The following MYOZ2 variants were observed in gnomAD, a reference collection of about 807,000 sequenced individuals.
The protein encoded by MYOZ2 is myozenin 2.
In MYOZ2, 19 loss-of-function variants were observed where a neutral mutation model predicts 25.4. The observed-to-expected ratio is 0.75, with a 90% CI of 0.52 to 1.10. MYOZ2 has a LOEUF of 1.10. Among genes scored for constraint, MYOZ2 ranks in the 50% least tolerant of loss-of-function variants. The pLI is 0.00. For missense variants in MYOZ2, 270 were observed against 317.9 expected (o/e 0.85, Z 1.15); for synonymous variants, 92 against 106.9 (o/e 0.86, Z 0.86).
chr4:119,166,458 A>T (rs1309260298), intron 5 of MYOZ2, among the ~76,000 whole-genome samples: 1 of 151,888 alleles, frequency 6.6e-6, no homozygotes, highest in African/African-American at 2.4e-5. Flanking sequence ...GCAATGAGCT[A>T]TAATCACACC....
At chr4:119,172,879 T>G (rs1183984885) in intron 5 of MYOZ2, among the ~76,000 whole-genome samples, 1 of 152,162 alleles carries the variant, frequency 6.6e-6, no homozygotes, top group East Asian at 1.9e-4. Context: ...CTGTTATAAT[T>G]TTCTCAGTTA....
chr4:119,148,371 G>A (rs765845947), intron 2 of MYOZ2, among the ~76,000 whole-genome samples: 27 of 152,082 alleles, frequency 1.8e-4, no homozygotes, highest in Non-Finnish European at 4.0e-4. Flanking sequence ...TCTCGAATCT[G>A]TAAGTTTATA....
chr4:119,168,089 C>T (rs1741864017), intron 5 of MYOZ2, among the ~76,000 whole-genome samples: 1 of 152,214 alleles, frequency 6.6e-6, no homozygotes, highest in Non-Finnish European at 1.5e-5. Flanking sequence ...TCTCCTGCCT[C>T]AGCCTCCTGA....
intron 4 of MYOZ2, among the ~76,000 whole-genome samples, chr4:119,159,039 G>C (rs141774926): frequency 4.6e-5 from 7 of 152,210 alleles, no homozygotes; most frequent in Middle Eastern, 6.8e-3. Flanking sequence ...ATTGCACATT[G>C]CATGCTGTTA....
At chr4:119,141,440 T>A (rs1177522885) in intron 2 of MYOZ2, among the ~76,000 whole-genome samples, 1 of 152,192 alleles carries the variant, frequency 6.6e-6, no homozygotes, top group Non-Finnish European at 1.5e-5. Context: ...TGGAGTGCAG[T>A]GGTGCAATCT....
rs1741160306 is a variant in MYOZ2, at chr4:119,141,625, ACCTGCCTCAG to A, written c.76+5028_76+5037del. Among the ~76,000 whole-genome samples, 5 of 152,096 alleles carry A rather than the reference ACCTGCCTCAG, an allele frequency of 3.3e-5. No homozygotes were observed. The South Asian group carries it at 1.0e-3, about 32-fold the overall frequency. On this transcript the variant is annotated intron_variant, in intron 2 of 5. Transcript: ENST00000307128. ...TCAAACTCCTGACCTCAGGTGATCC[ACCTGCCTCAG>A]CCTCCCAAAGTGCTGGGATTACAGG...
At chr4:119,140,874 C>T (rs996029897) in intron 2 of MYOZ2, among the ~76,000 whole-genome samples, 6 of 151,842 alleles carry the variant, frequency 4.0e-5, no homozygotes, top group African/African-American at 1.5e-4. Context: ...ATAAAATAGC[C>T]TTAGAACTCA....
intron 5 of MYOZ2, among the ~76,000 whole-genome samples, chr4:119,175,706 T>A (rs903326626): frequency 6.6e-6 from 1 of 151,708 alleles, no homozygotes; most frequent in Non-Finnish European, 1.5e-5. Flanking sequence ...GAGTAGAGAT[T>A]GTCCCACTGC....
In MYOZ2 at chr4:119,149,528, G is replaced by A. The variant is rs143843615; in HGVS notation, c.77-1344G>A. Among the ~76,000 whole-genome samples the A allele has an allele frequency of 2.6e-5, 4 of 152,264 alleles. No homozygotes were observed. In the East Asian group the frequency reaches 7.7e-4, roughly 29 times the overall value. Reference sequence around the variant, plus strand: ...CTTTCGTTGGTGCTTTGTCTGTCTGGACCTCTTGGTGTTTCTGGGTTGCCA... The same window carrying A: ...CTTTCGTTGGTGCTTTGTCTGTCTGAACCTCTTGGTGTTTCTGGGTTGCCA... On this transcript the variant is annotated intron_variant, in intron 2 of 5. Transcript: ENST00000307128.
rs755233280 is a variant in MYOZ2 at position 119,150,976 on chromosome 4, C to G, written c.181C>G (p.Arg61Gly). ...CCGTGGTGCCAGGCTATTTAAGATGCGTCAAAGAAGATCTGACAAATACAC... is the reference window on the plus strand; with the variant it reads ...CCGTGGTGCCAGGCTATTTAAGATGGGTCAAAGAAGATCTGACAAATACAC... ...SNRGARLFKM[R>G]QRRSDKYTFE... is the part of the protein sequence containing the mutation. Residue 61 changes from arginine to glycine, a missense_variant, in exon 3 of 6, where the codon CGT becomes GGT. Coordinates refer to ENST00000307128, the MANE Select transcript of MYOZ2 (RefSeq NM_016599.5). 6.2e-7 allele frequency: 1 copy of G among 1,613,014 alleles called. No individual in the cohort carries two copies. Among genetic ancestry groups the G allele is most frequent in the Non-Finnish European group, 8.5e-7 (1 of 1,179,146 alleles).
At chr4:119,160,680 A>G (rs1741688354) in intron 4 of MYOZ2, among the ~76,000 whole-genome samples, 1 of 152,022 alleles carries the variant, frequency 6.6e-6, no homozygotes, top group Non-Finnish European at 1.5e-5. Context: ...GGTATATTCA[A>G]CACACTTTTC....
At chr4:119,153,150 T>C (rs1464561920) in intron 3 of MYOZ2, among the ~76,000 whole-genome samples, 1 of 152,022 alleles carries the variant, frequency 6.6e-6, no homozygotes, top group Non-Finnish European at 1.5e-5. Context: ...CTTCTGTCTT[T>C]AATGATCTGT....
At chr4:119,170,479 C>A (rs1741926233) in intron 5 of MYOZ2, among the ~76,000 whole-genome samples, 1 of 151,960 alleles carries the variant, frequency 6.6e-6, no homozygotes, top group African/African-American at 2.4e-5. Flanking sequence ...CAAGATTATT[C>A]ATTTCATAGA....
chr4:119,163,409 G>T (rs1323372374), intron 4 of MYOZ2, among the ~76,000 whole-genome samples: 1 of 152,172 alleles, frequency 6.6e-6, no homozygotes, highest in African/African-American at 2.4e-5. Context: ...AGGTAATATG[G>T]CAGTGTAAAC....
At chr4:119,179,631 T>G (rs1742147344) in intron 5 of MYOZ2, among the ~76,000 whole-genome samples, 2 of 152,152 alleles carry the variant, frequency 1.3e-5, no homozygotes, top group Admixed American at 6.5e-5. Context: ...GATCTTAGTG[T>G]TTGTCTTAGT....
At chr4:119,162,921 A>C (rs1359651738) in intron 4 of MYOZ2, among the ~76,000 whole-genome samples, 1 of 152,246 alleles carries the variant, frequency 6.6e-6, no homozygotes, top group Non-Finnish European at 1.5e-5. Flanking sequence ...CAGGTTATAA[A>C]GGGTGCCAGT....
rs560588492 is a variant in MYOZ2, at chr4:119,176,348, G to A, written c.561-9618G>A. Among the ~76,000 whole-genome samples the A allele has an allele frequency of 4.6e-5, 7 of 152,194 alleles. 1 individual carries two copies. Among genetic ancestry groups the A allele is most frequent in the Admixed American group, 4.6e-4 (7 of 15,290 alleles). On this transcript the variant is annotated intron_variant, in intron 5 of 5. Transcript: ENST00000307128. Reference sequence around the variant, plus strand: ...CGATTCTCCTGCTTCAGACTCCGGAGTAGCTGGGATTACAAGCGCCTGCCA... The same window carrying A: ...CGATTCTCCTGCTTCAGACTCCGGAATAGCTGGGATTACAAGCGCCTGCCA...
intron 5 of MYOZ2, among the ~76,000 whole-genome samples, chr4:119,166,228 A>G (rs1741820830): frequency 6.6e-6 from 1 of 152,178 alleles, no homozygotes; most frequent in Non-Finnish European, 1.5e-5. Flanking sequence ...ATGATATGAT[A>G]CATAGACAGC....
intron 5 of MYOZ2, among the ~76,000 whole-genome samples, chr4:119,174,393 G>C (rs1561129144): frequency 6.6e-6 from 1 of 152,004 alleles, no homozygotes; most frequent in Non-Finnish European, 1.5e-5. Context: ...ATGCACCAAT[G>C]GACACTCTGT....
Sources: allele counts gnomAD v4.1 joint callset (sites outside exome capture counted in the v4.1 genomes callset), GRCh38; gene constraint gnomAD v4.1.1; transcripts MANE v1.5; gene names NCBI Gene and HGNC (gene_info 2026-07-23, HGNC 2026-07-21).